The following NIBAN1 variants were observed in gnomAD, a reference collection of about 807,000 sequenced individuals.
NIBAN1 encodes protein Niban 1.
In NIBAN1, 81 loss-of-function variants were observed where a neutral mutation model predicts 75.1. That is an observed-to-expected ratio of 1.08 (90% CI 0.90 to 1.30). The LOEUF is 1.30. Ranked by LOEUF, NIBAN1 falls within the 50% of genes most tolerant of loss-of-function variation. The pLI, the probability that NIBAN1 is intolerant of heterozygous loss-of-function variation, is 0.00. For synonymous variants in NIBAN1, 436 were observed against 424.8 expected (o/e 1.03, Z -0.32); for missense variants, 1,133 against 1,128.1 (o/e 1.00, Z -0.06).
At chr1:184,960,996 A>G (rs1252411803) in intron 1 of NIBAN1, among the ~76,000 whole-genome samples, 2 of 146,268 alleles carry the variant, frequency 1.4e-5, no homozygotes, top group Admixed American at 6.8e-5. Flanking sequence ...CACTCCCAAC[A>G]TAACACCCTT....
chr1:184,794,795 A>G lies in NIBAN1; in HGVS notation c.*182T>C. On this transcript the variant is annotated 3_prime_UTR_variant, in exon 14 of 14. Transcript: ENST00000367511. ...CTAAAGCAAAAATTCATCGTAGAAC[A>G]ATTCATGTCCACAAAGGTTTGCCTC... 1.3e-6 allele frequency: 1 copy of G among 741,532 alleles called. No individual in the cohort carries two copies. Among genetic ancestry groups the G allele is most frequent in the Non-Finnish European group, 2.2e-6 (1 of 445,282 alleles). The allele number at this position is 741,532 out of a possible 1,614,324, so 45.9% of individuals were successfully genotyped here. A position where few individuals can be genotyped will look rare whatever the true frequency, so the allele number is the denominator to read the frequency against.
chr1:184,815,941 C>T (rs926911116), intron 9 of NIBAN1, among the ~76,000 whole-genome samples: 3 of 152,154 alleles, frequency 2.0e-5, no homozygotes, highest in Admixed American at 6.5e-5. Context: ...TAAAGGCTGT[C>T]GTTACACAAC....
chr1:184,806,107 A>G, intron 10 of NIBAN1, 51 bp from the exon 11 acceptor site: 1 of 1,487,290 alleles, frequency 6.7e-7, no homozygotes, highest in Non-Finnish European at 9.4e-7. Context: ...GGCTGGGATC[A>G]CCACCCACAG....
At chr1:184,967,617 A>G (rs1658829975) in intron 1 of NIBAN1, among the ~76,000 whole-genome samples, 1 of 152,212 alleles carries the variant, frequency 6.6e-6, no homozygotes, top group African/African-American at 2.4e-5. Flanking sequence ...ACAATAAAGT[A>G]AAAAGCTCAG....
chr1:184,924,369 C>A (rs1299741260), intron 1 of NIBAN1, among the ~76,000 whole-genome samples: 2 of 152,176 alleles, frequency 1.3e-5, no homozygotes, highest in African/African-American at 4.8e-5. Flanking sequence ...TATATGGAAT[C>A]ATCCTTGCAT....
intron 5 of NIBAN1, among the ~76,000 whole-genome samples, chr1:184,872,444 G>A (rs1264180644): frequency 1.3e-5 from 2 of 152,098 alleles, no homozygotes; most frequent in East Asian, 1.9e-4. Flanking sequence ...GAAGGCTCAC[G>A]CCTGTAATGC....
intron 1 of NIBAN1, among the ~76,000 whole-genome samples, chr1:184,971,558 T>A (rs972786438): frequency 1.3e-5 from 2 of 152,022 alleles, no homozygotes; most frequent in Admixed American, 6.5e-5. Flanking sequence ...TAATCCTAGC[T>A]ATTCGGGAGG....
intron 4 of NIBAN1, among the ~76,000 whole-genome samples, chr1:184,885,671 T>C (rs577781599): frequency 6.6e-6 from 1 of 152,320 alleles, no homozygotes; most frequent in East Asian, 1.9e-4. Flanking sequence ...CACCACTTGC[T>C]GTTTTTATGC....
chr1:184,950,791 G>A (rs1553230921), intron 1 of NIBAN1, among the ~76,000 whole-genome samples: 1 of 152,058 alleles, frequency 6.6e-6, no homozygotes, highest in Non-Finnish European at 1.5e-5. Flanking sequence ...GATTTCCTTG[G>A]GAAACAATAA....
At chr1:184,942,606 A>G (rs1026321987) in intron 1 of NIBAN1, among the ~76,000 whole-genome samples, 6 of 150,786 alleles carry the variant, frequency 4.0e-5, no homozygotes, top group African/African-American at 1.5e-4. Context: ...AGGCAGGAGA[A>G]TGGCGTGAAC....
At position 184,792,692 on chromosome 1, in the gene NIBAN1, A is replaced by G. The variant is rs1309511730; in HGVS notation, c.*2285T>C. On this transcript the variant is annotated 3_prime_UTR_variant, in exon 14 of 14. Coordinates refer to ENST00000367511, the MANE Select transcript of NIBAN1 (RefSeq NM_052966.4). ...CTTTCTGCCTGACAGCAGGCCCCAA[A>G]TAGCCCCAGCACAGCAGTGTTCTGG... The G allele has an allele frequency of 2.6e-5, 4 of 152,752 alleles. No homozygotes were observed. Among genetic ancestry groups the G allele is most frequent in the African/African-American group, 9.6e-5 (4 of 41,468 alleles). The allele number at this position is 152,752 out of a possible 1,614,324, so 9.5% of individuals were successfully genotyped here.
Position 184,823,650 on chromosome 1 carries a change from C to T in NIBAN1, c.810G>A (p.Arg270=). ...AACCATTGCTTACACCAAGCCACGT[C>T]CTCTTTCTGTCATTCTTCTTCCCCT... The part of the protein sequence containing the change: ...KMKGKKNDRK[R]TWLGLLEEAY... The change falls in exon 7 of 14, where the codon AGG becomes AGA. Residue 270 remains arginine, a synonymous_variant. Transcript: ENST00000367511. 6.2e-7 allele frequency: 1 copy of T among 1,614,182 alleles called. No homozygotes were observed.
Position 184,804,723 on chromosome 1 carries a change from G to A in NIBAN1, c.1447-1031C>T, listed in dbSNP as rs1213623663. 4.7e-5 allele frequency among the ~76,000 whole-genome samples: 7 copies of A among 147,756 alleles called. 1 individual carries two copies. The East Asian group carries it at 1.2e-3, about 25-fold the overall frequency. The stretch of plus-strand genomic sequence containing the variant: ...CACTGACACTATCTTTTTTTTTTTA[G>A]TTGCATTGCAATTTCATCATTATGT... On this transcript the variant is annotated intron_variant, in intron 11 of 13. Coordinates refer to ENST00000367511, the MANE Select transcript of NIBAN1 (RefSeq NM_052966.4).
intron 5 of NIBAN1, among the ~76,000 whole-genome samples, chr1:184,838,353 G>A (rs1655193974): frequency 1.3e-5 from 2 of 152,132 alleles, no homozygotes; most frequent in African/African-American, 4.8e-5. Flanking sequence ...TGGTAAGTTT[G>A]CCTTCTATGT....
intron 5 of NIBAN1, among the ~76,000 whole-genome samples, chr1:184,854,419 C>G (rs922607481): frequency 6.6e-6 from 1 of 152,162 alleles, no homozygotes; most frequent in East Asian, 1.9e-4. Context: ...ATAGAACAAT[C>G]CCAGGATCGG....
chr1:184,911,533 G>A (rs1316872043), intron 1 of NIBAN1, among the ~76,000 whole-genome samples: 1 of 152,154 alleles, frequency 6.6e-6, no homozygotes, highest in Non-Finnish European at 1.5e-5. Context: ...TTGCATCACT[G>A]TCTCAATTAA....
intron 9 of NIBAN1, among the ~76,000 whole-genome samples, chr1:184,814,931 G>A (rs1654485753): frequency 6.6e-6 from 1 of 152,130 alleles, no homozygotes; most frequent in Non-Finnish European, 1.5e-5. Context: ...GAATCCTTAA[G>A]CTTTTGTTAT....
intron 8 of NIBAN1, 23 bp from the exon 9 acceptor site, chr1:184,818,848 A>C (rs1654612407): frequency 6.4e-7 from 1 of 1,561,268 alleles, no homozygotes; most frequent in East Asian, 2.3e-5. Flanking sequence ...ATAGCCAAAA[A>C]ACCGTGACAT....
chr1:184,899,302 A>C lies in NIBAN1; in HGVS notation c.63T>G (p.Thr21=), dbSNP rs1177336639. 1.2e-6 allele frequency: 2 copies of C among 1,613,604 alleles called. No individual in the cohort carries two copies. The highest frequency in any genetic ancestry group is 2.7e-5 in the African/African-American group (2 of 74,886). Residue 21 remains threonine (T), a synonymous_variant, in exon 2 of 14, where the codon ACT becomes ACG. Coordinates refer to ENST00000367511, the MANE Select transcript of NIBAN1 (RefSeq NM_052966.4). ...EGKCAYIRGK[T]EAAIKNFSPY... The stretch of plus-strand genomic sequence containing the variant: ...GACTGAAGTTTTTGATGGCAGCCTC[A>C]GTTTTCCCTAGAAAAATATGAAAAT...
Sources: gnomAD v4.1 joint callset for allele counts (sites outside exome capture counted in the v4.1 genomes callset) on GRCh38, gnomAD v4.1.1 for gene constraint, MANE v1.5 for transcripts, NCBI Gene and HGNC (gene_info 2026-07-23, HGNC 2026-07-21) for gene names.